CLK4: variants seen among roughly 807,000 people sequenced by gnomAD.
The protein encoded by CLK4 is CDC like kinase 4, also known as dual specificity protein kinase CLK4.
In CLK4, 37 loss-of-function variants were observed where a neutral mutation model predicts 64.4. The observed-to-expected ratio is 0.57, with a 90% confidence interval of 0.44 to 0.76. The LOEUF is 0.76. CLK4 is among the 30% of genes least tolerant of loss of function. The pLI is 0.00. For synonymous variants in CLK4, 175 were observed against 191.6 expected, an observed-to-expected ratio of 0.91 and a Z score of 0.72; for missense variants, 457 against 605.1, an observed-to-expected ratio of 0.76 and a Z score of 2.57.
chr5:178,618,462 A>T lies in CLK4; in HGVS notation c.384+94T>A, dbSNP rs186960486. ...TTATAATATATCCAAATAGTATTTTATATATATATATATAAAAAATTAGAA... is the reference window on the plus strand; with the variant it reads ...TTATAATATATCCAAATAGTATTTTTTATATATATATATAAAAAATTAGAA... On this transcript the variant is annotated intron_variant, in intron 3 of 12. Transcript: ENST00000316308. 3.0e-3 allele frequency: 1,009 copies of T among 334,318 alleles called. 11 individuals carry two copies. The highest frequency in any genetic ancestry group is 0.019 in the African/African-American group (863 of 45,340). 20.7% of individuals were successfully genotyped at this position (334,318 alleles called of 1,614,324 possible). A position where few individuals can be genotyped will look rare whatever the true frequency, so the allele number is the denominator to read the frequency against.
intron 2 of CLK4, 99 bp from the exon 3 acceptor site, chr5:178,618,877 AT>A: frequency 1.2e-6 from 1 of 827,144 alleles, no homozygotes. Context: ...AGCTAACTCA[AT>A]ATAAGAAAAA....
chr5:178,611,182 C>T (rs1764552006), intron 9 of CLK4, among the ~76,000 whole-genome samples: 1 of 152,040 alleles, frequency 6.6e-6, no homozygotes, highest in Non-Finnish European at 1.5e-5. Context: ...GAAAAAATGC[C>T]AAATATTTGG....
chr5:178,604,367 A>G (rs1339099155), intron 11 of CLK4: 2 of 152,794 alleles, frequency 1.3e-5, no homozygotes, highest in East Asian at 3.8e-4. Flanking sequence ...ATATGATTCC[A>G]AAACACAAGC....
chr5:178,620,828 GA>G (rs1156418391), intron 2 of CLK4, among the ~76,000 whole-genome samples: 3 of 152,138 alleles, frequency 2.0e-5, no homozygotes, highest in Admixed American at 1.3e-4. Flanking sequence ...AGAGATGGGG[GA>G]AAAAATCTGT....
chr5:178,605,335 T>G lies in CLK4; in HGVS notation c.1182A>C (p.Gly394=). Residue 394 remains glycine (G), a synonymous_variant, in exon 11 of 13, where the codon GGA becomes GGC. Transcript: ENST00000316308. ...EHLAMMERIL[G]PIPQHMIQKT... is the part of the protein sequence containing the mutation. ...TCTGAATCATGTGTTGTGGTATGGG[T>G]CCTAATATTCGTTCCATCATTGCCA... 6.3e-7 allele frequency: 1 copy of G among 1,592,814 alleles called. No homozygotes were observed. Among genetic ancestry groups the G allele is most frequent in the East Asian group, 2.3e-5 (1 of 43,892 alleles).
chr5:178,621,659 G>A (rs1035683647), intron 2 of CLK4: 41 of 152,154 alleles, frequency 2.7e-4, no homozygotes, highest in African/African-American at 9.7e-4. Flanking sequence ...AGCCAAGATT[G>A]GTGAGAGCAT....
At position 178,617,364 on chromosome 5, in the gene CLK4, C is replaced by T; in HGVS notation, c.455G>A (p.Gly152Glu). ...DEEGHLICQS[G>E]DVLRARYEIV... ...TATACATCTTGCTCTTAGAACGTCT[C>T]CACTTTGACAGATCAGGTGACCCTC... is the stretch of plus-strand genomic sequence containing the variant. The change falls in exon 4 of 13, where the codon GGA becomes GAA. Residue 152 changes from glycine (G) to glutamate (E), a missense_variant. Transcript: ENST00000316308. The surrounding 1 kb of genome is among the most constrained non-coding windows in gnomAD (Gnocchi z 5.2). 6.2e-7 allele frequency: 1 copy of T among 1,613,462 alleles called. No homozygotes were observed. Among genetic ancestry groups the T allele is most frequent in the Non-Finnish European group, 8.5e-7 (1 of 1,179,414 alleles).
intron 10 of CLK4, among the ~76,000 whole-genome samples, chr5:178,608,010 T>C (rs1764492577): frequency 6.6e-6 from 1 of 152,196 alleles, no homozygotes; most frequent in Non-Finnish European, 1.5e-5. Context: ...TGAATTCTTT[T>C]ATAAAAAGGA....
At chr5:178,616,834 T>C (rs749771053) in intron 5 of CLK4, 48 bp downstream of exon 5, 2 of 1,290,750 alleles carry the variant, frequency 1.5e-6, no homozygotes, top group Non-Finnish European at 2.2e-6. Flanking sequence ...TATGAATCTT[T>C]CCCCACCAAA....
rs910199415 is a variant in CLK4, at chr5:178,603,146, T to C, written c.*471A>G. 2 of 152,660 alleles carry C rather than the reference T, an allele frequency of 1.3e-5. No homozygotes were observed. The highest frequency in any genetic ancestry group is 4.8e-5 in the African/African-American group (2 of 41,454). 9.5% of individuals were successfully genotyped at this position (152,660 alleles called of 1,614,324 possible). ...ATTCTAACAGTAAACATTTTCTGAG[T>C]TTTGGTTTCTAGTACCTGCTTATCT... On this transcript the variant is annotated 3_prime_UTR_variant, in exon 13 of 13. Transcript: ENST00000316308.
intron 9 of CLK4, among the ~76,000 whole-genome samples, 172 bp from the exon 10 acceptor site, chr5:178,608,630 T>C (rs1274747122): frequency 6.6e-6 from 1 of 152,204 alleles, no homozygotes; most frequent in Non-Finnish European, 1.5e-5. Context: ...ACACACTCCA[T>C]AGTCCATATG....
chr5:178,623,491 TTTAAG>T (rs1243933521), intron 1 of CLK4, 75 bp from the exon 2 acceptor site: 3 of 1,234,330 alleles, frequency 2.4e-6, no homozygotes, highest in African/African-American at 3.2e-5. Flanking sequence ...ATTAATATTA[TTTAAG>T]TTATCAAAAC....
intron 1 of CLK4, 26 bp from the exon 2 acceptor site, chr5:178,623,442 T>C: frequency 6.3e-7 from 1 of 1,596,168 alleles, no homozygotes; most frequent in Non-Finnish European, 8.5e-7. Context: ...AAAAGGGAAT[T>C]GTGGAGGTTA....
At position 178,604,097 on chromosome 5, in the gene CLK4, G is replaced by A. The variant is rs113868330; in HGVS notation, c.1215-163C>T. 123 of 506,294 alleles carry A rather than the reference G, an allele frequency of 2.4e-4. 1 individual carries two copies. Among genetic ancestry groups the A allele is most frequent in the Middle Eastern group, 1.0e-3 (2 of 1,934 alleles). 31.4% of individuals were successfully genotyped at this position (506,294 alleles called of 1,614,324 possible). A position where few individuals can be genotyped will look rare whatever the true frequency, so the allele number is the denominator to read the frequency against. ...AAAACCTCAGCAACAATTATATATC[G>A]GACACCTCATATCCTCCACCCTGTG... is the stretch of plus-strand genomic sequence containing the variant. On this transcript the variant is annotated intron_variant, in intron 11 of 12. Coordinates refer to ENST00000316308, the MANE Select transcript of CLK4 (RefSeq NM_020666.3).
rs777791580 is a variant in CLK4 at position 178,608,441 on chromosome 5, G to A, written c.1069C>T (p.Pro357Ser). 1.4e-5 allele frequency: 23 copies of A among 1,607,662 alleles called. No individual in the cohort carries two copies. Among genetic ancestry groups the A allele is most frequent in the Non-Finnish European group, 1.8e-5 (21 of 1,177,870 alleles). The part of the protein sequence containing the change: ...EVILALGWSQ[P>S]CDVWSIGCIL... The stretch of plus-strand genomic sequence containing the variant: ...CAACCTATGCTCCAAACATCACAAG[G>A]CTGAGACCAACCTAAAGCTATTTTA... Residue 357 changes from proline to serine, a missense_variant, in exon 10 of 13, where the codon CCT (proline) becomes TCT (serine). Pro to Ser is a moderately conservative substitution (Grantham distance 74). Coordinates refer to ENST00000316308, the MANE Select transcript of CLK4 (RefSeq NM_020666.3).
At chr5:178,619,754 A>G (rs1320279376) in intron 2 of CLK4, 2 of 1,270,260 alleles carry the variant, frequency 1.6e-6, no homozygotes, top group Non-Finnish European at 2.1e-6. Flanking sequence ...CAGGATGTCA[A>G]TGGATCCCAG....
intron 1 of CLK4, among the ~76,000 whole-genome samples, chr5:178,626,037 T>C (rs1764775104): frequency 6.6e-6 from 1 of 152,188 alleles, no homozygotes. Context: ...TGTAGATCCA[T>C]CGCCACTGCC....
At chr5:178,610,502 CACAA>C (rs1367195700) in intron 9 of CLK4, among the ~76,000 whole-genome samples, 2 of 152,124 alleles carry the variant, frequency 1.3e-5, no homozygotes, top group African/African-American at 4.8e-5. Context: ...ATCCTCACTC[CACAA>C]ACAAAGGACC....
At chr5:178,622,432 A>T (rs1764719809) in intron 2 of CLK4, 1 of 986,808 alleles carries the variant, frequency 1.0e-6, no homozygotes, top group Non-Finnish European at 1.2e-6. Flanking sequence ...TTTAGAAAGC[A>T]ATCTGGTAAA....
Sources: allele counts gnomAD v4.1 joint callset (sites outside exome capture counted in the v4.1 genomes callset), GRCh38; gene constraint gnomAD v4.1.1; non-coding constraint Gnocchi (gnomAD v3.1); transcripts MANE v1.5; gene names NCBI Gene and HGNC (gene_info 2026-07-23, HGNC 2026-07-21).